ADA2: variants seen among roughly 807,000 people sequenced by gnomAD.
ADA2 encodes adenosine deaminase CECR1.
Under a neutral mutation model 44.2 loss-of-function variants are expected in ADA2, and 29 were observed. The ratio of observed to expected loss-of-function variants is 0.66; its 90% CI spans 0.49 to 0.89. The LOEUF (loss-of-function observed/expected upper bound fraction) is 0.89. Ranked by LOEUF, ADA2 falls within the 40% of genes least tolerant of loss-of-function variation. ADA2 has a pLI of 0.00. For synonymous variants in ADA2, 215 were observed against 234.9 expected, an observed-to-expected ratio of 0.92 and a Z score of 0.77; for missense variants, 637 against 644.8, an observed-to-expected ratio of 0.99 and a Z score of 0.13.
chr22:17,199,801 G>C (rs1196421167), intron 4 of ADA2: 3 of 1,379,982 alleles, frequency 2.2e-6, no homozygotes, highest in Non-Finnish European at 2.8e-6. Flanking sequence ...TGAATTAATA[G>C]CTGGGCATGG....
At chr22:17,189,583 C>T (rs904222711) in intron 6 of ADA2, among the ~76,000 whole-genome samples, 2 of 152,174 alleles carry the variant, frequency 1.3e-5, no homozygotes, top group Non-Finnish European at 2.9e-5. Context: ...AAGACCCACA[C>T]CTAGGTGAGC....
chr22:17,189,636 T>C, intron 6 of ADA2: 1 of 318,826 alleles, frequency 3.1e-6, no homozygotes, highest in South Asian at 3.4e-5. Flanking sequence ...CCATGGGGAA[T>C]GAGCCCATAA....
At chr22:17,211,272 T>A (rs917358426) in intron 1 of ADA2, among the ~76,000 whole-genome samples, 5 of 151,750 alleles carry the variant, frequency 3.3e-5, no homozygotes, top group African/African-American at 4.8e-5. Context: ...GACAGGAGAA[T>A]CACTTGAACC....
chr22:17,217,890 G>C (rs2062488526), intron 1 of ADA2, among the ~76,000 whole-genome samples: 1 of 152,164 alleles, frequency 6.6e-6, no homozygotes, highest in Admixed American at 6.6e-5. Context: ...ACAGCATACT[G>C]GAACATGTCA....
At chr22:17,196,596 G>T (rs369512361) in intron 4 of ADA2, among the ~76,000 whole-genome samples, 1 of 152,134 alleles carries the variant, frequency 6.6e-6, no homozygotes, top group East Asian at 1.9e-4. Context: ...TGAGTCTCCT[G>T]CCCACACCCC....
At chr22:17,193,280 A>G (rs2062144098) in intron 4 of ADA2, 1 of 665,586 alleles carries the variant, frequency 1.5e-6, no homozygotes, top group Non-Finnish European at 2.7e-6. Context: ...ACCAACCCCA[A>G]TGCCAGGCTG....
At chr22:17,193,326 C>T in intron 4 of ADA2, 1 of 392,544 alleles carries the variant, frequency 2.5e-6, no homozygotes, top group South Asian at 2.5e-5. Flanking sequence ...CTCATGTCCC[C>T]TTTTTGTGTT....
intron 7 of ADA2, among the ~76,000 whole-genome samples, chr22:17,186,517 G>A (rs1423823418): frequency 6.6e-6 from 1 of 152,074 alleles, no homozygotes; most frequent in Non-Finnish European, 1.5e-5. Context: ...GGCAGCCAGA[G>A]GTTGCAGTGA....
At position 17,211,457 on chromosome 22, in the gene ADA2, A is replaced by T. The variant is rs868017394; in HGVS notation, c.-46-1734T>A. On this transcript the variant is annotated intron_variant, in intron 1 of 9. Coordinates refer to ENST00000399837, the MANE Select transcript of ADA2 (RefSeq NM_001282225.2). ...AGACCATTCTCAGCAACATGTTGAA[A>T]CTCCATCTCTACAAAAGATACAAAA... is the stretch of plus-strand genomic sequence containing the variant. 1.1e-4 allele frequency among the ~76,000 whole-genome samples: 17 copies of T among 152,174 alleles called. 1 individual carries two copies. The highest frequency in any genetic ancestry group is 6.8e-3 in the Middle Eastern group (2 of 294).
At chr22:17,196,637 A>G (rs7293170) in intron 4 of ADA2, among the ~76,000 whole-genome samples, 4 of 152,114 alleles carry the variant, frequency 2.6e-5, no homozygotes, top group African/African-American at 9.7e-5. Context: ...TCCAGGGTAG[A>G]GTCCTTGCAG....
intron 5 of ADA2, among the ~76,000 whole-genome samples, chr22:17,190,998 G>C (rs1431212106): frequency 3.9e-5 from 6 of 152,228 alleles, no homozygotes; most frequent in Non-Finnish European, 5.9e-5. Flanking sequence ...AGCCGCTGCC[G>C]GATCCCTTCG....
chr22:17,182,668 G>C lies in ADA2; in HGVS notation c.1175C>G (p.Pro392Arg). The change falls in exon 8 of 10, where the codon CCC (proline) becomes CGC (arginine). Residue 392 changes from proline (P) to arginine (R), a missense_variant. Coordinates refer to ENST00000399837, the MANE Select transcript of ADA2 (RefSeq NM_001282225.2). ...IGHGFALSKH[P>R]AVRTYSWKKD... The stretch of plus-strand genomic sequence containing the variant: ...TTTCCAGGAGTAAGTCCTGACTGCG[G>C]GGTGTTTGCTCAAAGCAAATCCATG... 6.2e-7 allele frequency: 1 copy of C among 1,614,120 alleles called. No individual in the cohort carries two copies. The highest frequency in any genetic ancestry group is 8.5e-7 in the Non-Finnish European group (1 of 1,180,028).
Position 17,201,154 on chromosome 22 carries a change from A to T in ADA2, c.753+2409T>A, listed in dbSNP as rs1437984202. On this transcript the variant is annotated intron_variant, in intron 4 of 9. Coordinates refer to ENST00000399837, the MANE Select transcript of ADA2 (RefSeq NM_001282225.2). ...AACCTGGGAGGTGGAGGTTGCAGTG[A>T]GGCAAGATCATACCACTACACTCCA... 1.4e-3 allele frequency among the ~76,000 whole-genome samples: 215 copies of T among 151,976 alleles called. 4 individuals are homozygous for T. The highest frequency in any genetic ancestry group is 2.8e-4 in the Non-Finnish European group (19 of 67,974).
intron 4 of ADA2, among the ~76,000 whole-genome samples, chr22:17,195,049 C>G (rs2062172761): frequency 6.6e-6 from 1 of 152,066 alleles, no homozygotes; most frequent in South Asian, 2.1e-4. Context: ...ATTAGTTTCC[C>G]CCATATGTTT....
chr22:17,202,784 TGTGTGTGTGTG>T (rs2062306371), intron 4 of ADA2, among the ~76,000 whole-genome samples: 10 of 149,854 alleles, frequency 6.7e-5, no homozygotes, highest in Non-Finnish European at 1.0e-4. Flanking sequence ...TTTTTTTTTT[TGTGTGTGTGTG>T]TTTTTTGAGA....
intron 9 of ADA2, 36 bp from the exon 10 acceptor site, chr22:17,181,612 G>T: frequency 6.8e-7 from 1 of 1,468,542 alleles, no homozygotes; most frequent in Non-Finnish European, 9.5e-7. Flanking sequence ...CAGCCTCAGG[G>T]CAGGGGTTGG....
chr22:17,189,080 T>C (rs968527054), intron 6 of ADA2, among the ~76,000 whole-genome samples: 8 of 144,384 alleles, frequency 5.5e-5, no homozygotes, highest in Non-Finnish European at 9.0e-5. Flanking sequence ...AGTGCAATGG[T>C]GCAATCTCAG....
At chr22:17,195,022 A>G (rs2062172398) in intron 4 of ADA2, among the ~76,000 whole-genome samples, 1 of 151,866 alleles carries the variant, frequency 6.6e-6, no homozygotes, top group Admixed American at 6.6e-5. Flanking sequence ...AGCCTTATAA[A>G]ATTGCCCTTA....
rs941062442 is a variant in ADA2 at position 17,179,372 on chromosome 22, A to C, written c.*2111T>G. ...AGGCTCTGGGTTAGCAGCATGCGTG[A>C]AACAATCAGAAACAATCATGAGCGC... On this transcript the variant is annotated 3_prime_UTR_variant, in exon 10 of 10. Coordinates refer to ENST00000399837, the MANE Select transcript of ADA2 (RefSeq NM_001282225.2). The C allele has an allele frequency of 1.2e-4, 19 of 152,278 alleles. No individual in the cohort carries two copies. The highest frequency in any genetic ancestry group is 3.9e-4 in the Admixed American group (6 of 15,276). The allele number at this position is 152,278 out of a possible 1,614,324, so 9.4% of individuals were successfully genotyped here. A position where few individuals can be genotyped will look rare whatever the true frequency, so the allele number is the denominator to read the frequency against.
Sources: allele counts gnomAD v4.1 joint callset (sites outside exome capture counted in the v4.1 genomes callset), GRCh38; gene constraint gnomAD v4.1.1; transcripts MANE v1.5; gene names NCBI Gene and HGNC (gene_info 2026-07-23, HGNC 2026-07-21).